The following SCN1A variants were observed in gnomAD, a reference collection of about 807,000 sequenced individuals.
SCN1A encodes sodium channel protein type 1 subunit alpha.
A neutral mutation model predicts 193.7 loss-of-function variants in SCN1A; 13 were observed. The ratio of observed to expected loss-of-function variants is 0.07; its 90% CI spans 0.04 to 0.11. The LOEUF (loss-of-function observed/expected upper bound fraction) is 0.11, where lower values mean the gene tolerates loss of function less well. Ranked by LOEUF, SCN1A falls within the 10% of genes least tolerant of loss-of-function variation. The probability of loss-of-function intolerance (pLI) is 1.00; values close to 1 mark genes in which losing one functional copy is unlikely to be tolerated. For missense variants in SCN1A, 1,432 were observed against 2,451.1 expected (o/e 0.58, Z 8.78); for synonymous variants, 781 against 843.6 (o/e 0.93, Z 1.29).
At chr2:166,086,862 TCA>T (rs1371197351) in intron 2 of SCN1A, among the ~76,000 whole-genome samples, 1 of 152,122 alleles carries the variant, frequency 6.6e-6, no homozygotes, top group Non-Finnish European at 1.5e-5. Context: ...GTTTGAGAGC[TCA>T]GCAGCTGATG....
At chr2:165,998,207 C>G (rs1573985211) in intron 25 of SCN1A, 32 bp from the exon 26 acceptor site, 1 of 1,575,368 alleles carries the variant, frequency 6.3e-7, no homozygotes, top group East Asian at 2.3e-5. Flanking sequence ...TAAAATATTA[C>G]CATACATTTT....
chr2:166,147,474 AT>A (rs1692370074), intron 1 of SCN1A, among the ~76,000 whole-genome samples: 1 of 152,212 alleles, frequency 6.6e-6, no homozygotes. Context: ...AAGAAACAAT[AT>A]TAAATGCAAA....
At position 166,044,002 on chromosome 2, in the gene SCN1A, G is replaced by C; in HGVS notation, c.1710C>G (p.Ser570Arg). The C allele has an allele frequency of 6.2e-7, 1 of 1,614,110 alleles. No individual in the cohort carries two copies. Among genetic ancestry groups the C allele is most frequent in the Non-Finnish European group, 8.5e-7 (1 of 1,180,010 alleles). ...CTCTAAAGCTGAAAAGGCTTGTTCT[G>C]CTATTTCGCCTTGGTGAAAATAGGG... is the stretch of plus-strand genomic sequence containing the variant. ...RGSLFSPRRN[S>R]RTSLFSFRGR... is the part of the protein sequence containing the mutation. The change falls in exon 14 of 29, where the codon AGC becomes AGG. Residue 570 changes from serine to arginine, a missense_variant. By Grantham distance (110) the Ser-to-Arg change is moderately radical. This residue lies in a region of SCN1A where 316 missense variants were observed against 362.1 expected (regional missense o/e 0.87). Transcript: ENST00000674923.
chr2:166,127,605 G>GGGGAGGAGAAGAGGAGGAGA (rs1558905074), intron 1 of SCN1A, among the ~76,000 whole-genome samples, 166 bp downstream of exon 1: 1 of 151,844 alleles, frequency 6.6e-6, no homozygotes, highest in African/African-American at 2.4e-5. Context: ...GGGGAGGGGA[G>GGGGAGGAGAAGAGGAGGAGA]GGGAGGAGAA....
chr2:166,021,672 T>G (rs529729664), intron 19 of SCN1A, among the ~76,000 whole-genome samples: 1 of 152,324 alleles, frequency 6.6e-6, no homozygotes, highest in East Asian at 1.9e-4. Flanking sequence ...ATATGCTTAG[T>G]CTTTAATGTA....
chr2:166,009,659 A>T, intron 23 of SCN1A, 60 bp downstream of exon 23: 2 of 1,511,494 alleles, frequency 1.3e-6, no homozygotes, highest in Admixed American at 4.2e-5. Context: ...CCTTTTTCTA[A>T]ATTTAATTTA....
chr2:166,123,738 C>T (rs1323272192), intron 2 of SCN1A: 4 of 151,952 alleles, frequency 2.6e-5, no homozygotes, highest in Non-Finnish European at 5.9e-5. Flanking sequence ...AACTTGTTAA[C>T]ATTGAATGTT....
intron 20 of SCN1A, among the ~76,000 whole-genome samples, chr2:166,014,449 C>T (rs986997584): frequency 1.3e-5 from 2 of 151,438 alleles, no homozygotes; most frequent in Non-Finnish European, 3.0e-5. Flanking sequence ...GCCTTCCTCA[C>T]ACATTGCTTT....
chr2:165,999,518 G>A (rs1030906727), intron 25 of SCN1A, among the ~76,000 whole-genome samples: 8 of 151,526 alleles, frequency 5.3e-5, no homozygotes, highest in African/African-American at 1.7e-4. Context: ...TGTTACTTTG[G>A]TTTTCAAAAT....
At chr2:166,118,449 GTTGA>G (rs1459376829) in intron 2 of SCN1A, among the ~76,000 whole-genome samples, 2 of 150,762 alleles carry the variant, frequency 1.3e-5, no homozygotes, top group African/African-American at 4.9e-5. Context: ...ATTTGTACAA[GTTGA>G]TTGACCCTTT....
intron 3 of SCN1A, 121 bp from the exon 4 acceptor site, chr2:166,073,791 G>T: frequency 1.3e-6 from 1 of 789,186 alleles, no homozygotes. Context: ...AAATTGAAAG[G>T]TGATTTCTAA....
At chr2:166,113,912 T>G (rs1367040824) in intron 2 of SCN1A, among the ~76,000 whole-genome samples, 1 of 152,218 alleles carries the variant, frequency 6.6e-6, no homozygotes, top group Non-Finnish European at 1.5e-5. Context: ...AAATTGTTTT[T>G]CACACTCTAA....
chr2:166,002,523 C>A lies in SCN1A; in HGVS notation c.4233G>T (p.Val1411=). 1 of 1,611,550 alleles carries A rather than the reference C, an allele frequency of 6.2e-7. No homozygotes were observed. Among genetic ancestry groups the A allele is most frequent in the Non-Finnish European group, 8.5e-7 (1 of 1,178,558 alleles). The change falls in exon 24 of 29, where the codon GTG becomes GTT. Residue 1411 remains valine, a synonymous_variant. Transcript: ENST00000674923. The part of the protein sequence containing the change: ...ERNETARWKN[V]KVNFDNVGFG... The stretch of plus-strand genomic sequence containing the variant: ...ATCCTACATTATCAAAGTTTACTTT[C>A]ACATTTTTCCATCGAGCAGTCTCAT...
chr2:166,026,924 T>C (rs527741449), intron 19 of SCN1A, among the ~76,000 whole-genome samples: 353 of 152,084 alleles, frequency 2.3e-3, no homozygotes, highest in African/African-American at 7.9e-3. Flanking sequence ...ACCTCGTGAT[T>C]CGCCCGCCTC....
chr2:166,055,220 C>T (rs1699009349), intron 6 of SCN1A, among the ~76,000 whole-genome samples: 1 of 149,732 alleles, frequency 6.7e-6, no homozygotes, highest in African/African-American at 2.4e-5. Context: ...GATAATTTAA[C>T]TTGCTTGGAA....
rs374442336 is a variant in SCN1A at position 166,015,601 on chromosome 2, C to A, written c.3550+6G>T. On this transcript the variant is annotated splice_donor_region_variant and intron_variant, in intron 20 of 28. Coordinates refer to ENST00000674923, the MANE Select transcript of SCN1A (RefSeq NM_001165963.4). The stretch of plus-strand genomic sequence containing the variant: ...GAAAGATTAACATTAGGATTCTTTT[C>A]TTTACCTTCAGTGAAACAAGCTTCT... 2.5e-6 allele frequency: 4 copies of A among 1,612,268 alleles called. No individual in the cohort carries two copies. The highest frequency in any genetic ancestry group is 3.4e-6 in the Non-Finnish European group (4 of 1,178,648).
intron 2 of SCN1A, among the ~76,000 whole-genome samples, chr2:166,110,044 G>T (rs1174952100): frequency 6.6e-6 from 1 of 152,102 alleles, no homozygotes; most frequent in Non-Finnish European, 1.5e-5. Flanking sequence ...GTAACACAAA[G>T]TAATGATAAA....
intron 5 of SCN1A, 88 bp downstream of exon 5, chr2:166,058,482 A>C (rs1699340300): frequency 2.6e-6 from 2 of 764,428 alleles, no homozygotes. Flanking sequence ...TATAATATGG[A>C]CATTTCCCAA....
At chr2:166,051,684 CT>C (rs1197819875) in intron 9 of SCN1A, 34 bp downstream of exon 9, 5 of 1,518,864 alleles carry the variant, frequency 3.3e-6, no homozygotes, top group Non-Finnish European at 3.6e-6. Context: ...TCCAATTCTA[CT>C]TTTTAAGGAA....
Sources: allele counts gnomAD v4.1 joint callset (sites outside exome capture counted in the v4.1 genomes callset), GRCh38; gene constraint gnomAD v4.1.1; regional missense constraint gnomAD v4.1.1; transcripts MANE v1.5; gene names NCBI Gene and HGNC (gene_info 2026-07-23, HGNC 2026-07-21).